Variants in P3H2 observed in about 807,000 individuals in gnomAD.
P3H2 encodes the protein leprecan-like 1.
P3H2 carries 80 observed loss-of-function variants against 87.0 expected under a neutral mutation model. The observed-to-expected ratio is 0.92, with a 90% CI of 0.77 to 1.11. The LOEUF (loss-of-function observed/expected upper bound fraction) is 1.11, where lower values mean the gene tolerates loss of function less well. P3H2 is among the 50% of genes least tolerant of loss of function. The pLI, the probability that P3H2 is intolerant of heterozygous loss-of-function variation, is 0.00. For missense variants in P3H2, 1,001 were observed against 923.9 expected (o/e 1.08, Z -1.08); for synonymous variants, 367 against 359.3 (o/e 1.02, Z -0.24).
At chr3:190,073,384 A>T (rs1219773918) in intron 1 of P3H2, among the ~76,000 whole-genome samples, 1 of 152,184 alleles carries the variant, frequency 6.6e-6, no homozygotes, top group African/African-American at 2.4e-5. Context: ...TTCCATTGCC[A>T]CGCAGCCCTG....
chr3:189,993,156 C>T (rs1723934313), intron 3 of P3H2, among the ~76,000 whole-genome samples: 1 of 151,978 alleles, frequency 6.6e-6, no homozygotes, highest in Non-Finnish European at 1.5e-5. Flanking sequence ...AACCCCGTCT[C>T]CATGAAAAAT....
chr3:189,963,268 G>T (rs1722869651), intron 14 of P3H2, among the ~76,000 whole-genome samples: 1 of 152,094 alleles, frequency 6.6e-6, no homozygotes, highest in South Asian at 2.1e-4. Flanking sequence ...TAATAATATT[G>T]AAATACTTAA....
chr3:190,055,536 TTC>T (rs72091224), intron 1 of P3H2, among the ~76,000 whole-genome samples: 27,351 of 107,846 alleles, frequency 0.25, 2,639 homozygotes, highest in African/African-American at 0.32. Context: ...TTTTTTTTTT[TTC>T]TCCTTTCTCT....
chr3:190,105,084 T>C (rs538992354), intron 1 of P3H2, among the ~76,000 whole-genome samples: 4 of 152,342 alleles, frequency 2.6e-5, no homozygotes, highest in African/African-American at 9.6e-5. Context: ...CACAAAATCA[T>C]GGAGTCTTAT....
At chr3:189,964,341 T>C (rs1483210137) in intron 13 of P3H2, among the ~76,000 whole-genome samples, 1 of 152,220 alleles carries the variant, frequency 6.6e-6, no homozygotes, top group Non-Finnish European at 1.5e-5. Flanking sequence ...AAAGTCCACA[T>C]ACATAGTAAT....
intron 1 of P3H2, among the ~76,000 whole-genome samples, chr3:190,100,817 T>C (rs1711599355): frequency 6.6e-6 from 1 of 152,152 alleles, no homozygotes; most frequent in South Asian, 2.1e-4. Context: ...CCGCTTCTGA[T>C]TGTGCTTCAT....
At chr3:190,033,591 C>T (rs1725324447) in intron 1 of P3H2, among the ~76,000 whole-genome samples, 1 of 152,070 alleles carries the variant, frequency 6.6e-6, no homozygotes, top group African/African-American at 2.4e-5. Context: ...GCTCAGGATC[C>T]ATTCTGTATT....
chr3:190,119,823 C>T (rs1383734533), intron 1 of P3H2, among the ~76,000 whole-genome samples: 2 of 146,358 alleles, frequency 1.4e-5, no homozygotes. Flanking sequence ...GTGCAGACTA[C>T]AGTATAGGAA....
intron 1 of P3H2, among the ~76,000 whole-genome samples, chr3:190,010,411 C>A (rs1448918026): frequency 6.6e-6 from 1 of 152,080 alleles, no homozygotes; most frequent in Non-Finnish European, 1.5e-5. Context: ...GGAGATGAAA[C>A]CTCTAAAGAA....
At position 190,024,405 on chromosome 3, in the gene P3H2, C is replaced by T. The variant is rs141558392; in HGVS notation, c.481-28963G>A. 7.1e-3 allele frequency among the ~76,000 whole-genome samples: 1,080 copies of T among 151,198 alleles called. 22 individuals carry two copies. The highest frequency in any genetic ancestry group is 0.025 in the African/African-American group (1,029 of 41,314). ...TAAAAATACAAAAATTAGCCAGGCGCGGTGGCGCATGCCTGTAATCCCAGC... is the reference window on the plus strand; with the variant it reads ...TAAAAATACAAAAATTAGCCAGGCGTGGTGGCGCATGCCTGTAATCCCAGC... On this transcript the variant is annotated intron_variant, in intron 1 of 14. Transcript: ENST00000319332.
In P3H2 at chr3:189,969,485, T is replaced by G. The variant is rs1003188615; in HGVS notation, c.1893+1331A>C. The G allele has an allele frequency of 2.2e-5, 21 of 953,324 alleles. No homozygotes were observed. The African/African-American group carries it at 2.9e-4, about 13-fold the overall frequency. The allele number at this position is 953,324 out of a possible 1,614,324, so 59.1% of individuals were successfully genotyped here. On this transcript the variant is annotated intron_variant, in intron 13 of 14. Coordinates refer to ENST00000319332, the MANE Select transcript of P3H2 (RefSeq NM_018192.4). ...TCCTCTAGCACAACAATGACTTCCA[T>G]CATAGAGGGACTGAGGTCTCATACT...
At chr3:190,043,300 A>G (rs745690191) in intron 1 of P3H2, among the ~76,000 whole-genome samples, 13 of 152,180 alleles carry the variant, frequency 8.5e-5, no homozygotes, top group Non-Finnish European at 1.8e-4. Flanking sequence ...CAACAAATCA[A>G]AATTAAGGAA....
chr3:189,974,732 A>G (rs1328187597), intron 8 of P3H2, 47 bp from the exon 9 acceptor site: 2 of 1,612,890 alleles, frequency 1.2e-6, no homozygotes, highest in South Asian at 1.1e-5. Flanking sequence ...CTGTCCCCCG[A>G]AAGGAAGCAC....
chr3:189,961,626 G>C (rs1722812735), intron 14 of P3H2, among the ~76,000 whole-genome samples: 2 of 152,106 alleles, frequency 1.3e-5, no homozygotes, highest in South Asian at 4.1e-4. Flanking sequence ...TTAGTAGTTT[G>C]TAACGATCAA....
intron 1 of P3H2, among the ~76,000 whole-genome samples, chr3:190,115,858 GA>G (rs1322603323): frequency 1.3e-5 from 2 of 152,156 alleles, no homozygotes; most frequent in Admixed American, 6.5e-5. Context: ...TATTTGGAGG[GA>G]AGATGGTTGT....
chr3:190,091,377 C>A (rs578011871), intron 1 of P3H2, among the ~76,000 whole-genome samples: 1 of 152,174 alleles, frequency 6.6e-6, no homozygotes, highest in Non-Finnish European at 1.5e-5. Context: ...ACAGTAACTT[C>A]TTTTAATGAC....
intron 1 of P3H2, among the ~76,000 whole-genome samples, chr3:190,038,845 C>T (rs1240521147): frequency 6.6e-6 from 1 of 152,332 alleles, no homozygotes; most frequent in South Asian, 2.1e-4. Context: ...AAAGAATAAA[C>T]TGCAGTTAGT....
chr3:190,108,645 A>G (rs1711946118), intron 1 of P3H2, among the ~76,000 whole-genome samples: 4 of 152,282 alleles, frequency 2.6e-5, no homozygotes, highest in Admixed American at 2.0e-4. Context: ...TTATAGCTAT[A>G]TACACATTTG....
chr3:190,060,432 G>C (rs530051515), intron 1 of P3H2, among the ~76,000 whole-genome samples: 2 of 152,150 alleles, frequency 1.3e-5, no homozygotes, highest in African/African-American at 2.4e-5. Context: ...CTGGGAATTA[G>C]AAGAATCATG....
Sources: allele counts gnomAD v4.1 joint callset (sites outside exome capture counted in the v4.1 genomes callset), GRCh38; gene constraint gnomAD v4.1.1; transcripts MANE v1.5; gene names NCBI Gene and HGNC (gene_info 2026-07-23, HGNC 2026-07-21).